Variants in ELF2 observed in about 807,000 individuals in gnomAD.
ELF2 encodes E74 like ETS transcription factor 2.
A neutral mutation model predicts 54.8 loss-of-function variants in ELF2; 11 were observed. The ratio of observed to expected loss-of-function variants is 0.20; its 90% CI spans 0.13 to 0.33. ELF2 has a LOEUF of 0.33. Among genes scored for constraint, ELF2 ranks in the 10% least tolerant of loss-of-function variants. The pLI is 1.00. For missense variants in ELF2, 513 were observed against 703.0 expected (o/e 0.73, Z 3.06); for synonymous variants, 203 against 245.1 (o/e 0.83, Z 1.61).
chr4:139,084,867 T>A (rs932778373), intron 4 of ELF2, among the ~76,000 whole-genome samples: 1 of 152,220 alleles, frequency 6.6e-6, no homozygotes, highest in Admixed American at 6.5e-5. Context: ...CTAGAACATA[T>A]TCTGAAAGCA....
At chr4:139,115,530 G>A (rs1735616362) in intron 4 of ELF2, among the ~76,000 whole-genome samples, 1 of 151,410 alleles carries the variant, frequency 6.6e-6, no homozygotes, top group Non-Finnish European at 1.5e-5. Context: ...GCCTGGCCTG[G>A]CCGCGCCCCC....
At chr4:139,120,360 T>A (rs1736190284) in intron 4 of ELF2, among the ~76,000 whole-genome samples, 1 of 152,228 alleles carries the variant, frequency 6.6e-6, no homozygotes, top group Non-Finnish European at 1.5e-5. Context: ...ATCCTTCAAC[T>A]CATACTACAA....
At chr4:139,087,811 T>C (rs1264479914) in intron 4 of ELF2, among the ~76,000 whole-genome samples, 1 of 152,118 alleles carries the variant, frequency 6.6e-6, no homozygotes. Flanking sequence ...CAAATGTACA[T>C]GAGTTAGAAT....
intron 4 of ELF2, chr4:139,084,116 A>G (rs551232680): frequency 1.2e-6 from 2 of 1,613,116 alleles, no homozygotes; most frequent in South Asian, 1.1e-5. Flanking sequence ...ACGGGAGAAA[A>G]GTTCCCCTGT....
intron 4 of ELF2, among the ~76,000 whole-genome samples, chr4:139,113,887 C>T (rs1014626570): frequency 6.6e-6 from 1 of 151,636 alleles, no homozygotes; most frequent in Non-Finnish European, 1.5e-5. Context: ...TAAATAAAAT[C>T]ATTCCTTTTC....
intron 4 of ELF2, chr4:139,115,479 C>T (rs1378718431): frequency 1.3e-5 from 11 of 828,016 alleles, no homozygotes; most frequent in Non-Finnish European, 1.5e-5. Flanking sequence ...AGGGCAGCGG[C>T]GGGGGTGCCC....
chr4:139,115,155 C>G (rs1735514552), intron 4 of ELF2: 1 of 1,613,240 alleles, frequency 6.2e-7, no homozygotes, highest in Non-Finnish European at 8.5e-7. Flanking sequence ...CCAGGATCCA[C>G]TCCTCTAGGT....
rs111587176 is a variant in ELF2 at position 139,123,016 on chromosome 4, C to G, written c.238+2148G>C. ...TGGCCAACATGGTGAAACCCTGTCTCTACTAAAAAATACAAAAATTAGCTG... is the reference window on the plus strand; with the variant it reads ...TGGCCAACATGGTGAAACCCTGTCTGTACTAAAAAATACAAAAATTAGCTG... On this transcript the variant is annotated intron_variant, in intron 4 of 9. Coordinates refer to ENST00000686138, the MANE Select transcript of ELF2 (RefSeq NM_001331036.3). Among the ~76,000 whole-genome samples the G allele has an allele frequency of 7.6e-3, 1,151 of 151,780 alleles. 21 individuals carry two copies. The highest frequency in any genetic ancestry group is 0.026 in the African/African-American group (1,088 of 41,426).
chr4:139,105,115 A>T (rs998256891), intron 4 of ELF2, among the ~76,000 whole-genome samples: 2 of 152,242 alleles, frequency 1.3e-5, no homozygotes, highest in African/African-American at 4.8e-5. Flanking sequence ...TAACTGTCAT[A>T]TGGAAAGGGA....
chr4:139,099,656 C>T (rs1733668169), intron 4 of ELF2, among the ~76,000 whole-genome samples: 2 of 152,180 alleles, frequency 1.3e-5, no homozygotes, highest in Admixed American at 1.3e-4. Context: ...ACACACACCT[C>T]TTCCTCCTAT....
At chr4:139,168,897 A>C (rs2148913328) in intron 1 of ELF2, among the ~76,000 whole-genome samples, 1 of 152,260 alleles carries the variant, frequency 6.6e-6, no homozygotes, top group African/African-American at 2.4e-5. Flanking sequence ...AAAAGGGGGA[A>C]AAGTGAAAGT....
At chr4:139,068,266 G>A (rs557570305) in intron 6 of ELF2, among the ~76,000 whole-genome samples, 5 of 152,214 alleles carry the variant, frequency 3.3e-5, no homozygotes, top group East Asian at 3.9e-4. Flanking sequence ...TGATCCGTCC[G>A]CCTCGGCCTC....
chr4:139,093,935 A>G (rs1247113123), intron 4 of ELF2, among the ~76,000 whole-genome samples: 1 of 123,894 alleles, frequency 8.1e-6, no homozygotes, highest in Admixed American at 1.0e-4. Context: ...AGTTTAACTC[A>G]TTGCCCAGGC....
intron 1 of ELF2, among the ~76,000 whole-genome samples, chr4:139,176,517 C>A (rs550410513): frequency 2.0e-5 from 3 of 152,090 alleles, no homozygotes; most frequent in Admixed American, 6.5e-5. Context: ...TCCCAGGACG[C>A]GCTTCCTCCG....
At chr4:139,130,504 C>T (rs968924546) in intron 3 of ELF2, among the ~76,000 whole-genome samples, 1 of 152,338 alleles carries the variant, frequency 6.6e-6, no homozygotes, top group Non-Finnish European at 1.5e-5. Context: ...AAATCCTTTT[C>T]ATCTACTGAA....
At chr4:139,137,177 A>C (rs1738265998) in intron 3 of ELF2, 1 of 154,850 alleles carries the variant, frequency 6.5e-6, no homozygotes, top group Non-Finnish European at 1.4e-5. Context: ...ATTCGTGTTT[A>C]AATGAGATTA....
intron 3 of ELF2, among the ~76,000 whole-genome samples, chr4:139,130,887 C>A (rs1396029477): frequency 6.6e-6 from 1 of 152,062 alleles, no homozygotes; most frequent in Non-Finnish European, 1.5e-5. Flanking sequence ...AGCCTTTTTT[C>A]TGCCATATGA....
chr4:139,106,568 GT>G (rs886784115), intron 4 of ELF2, among the ~76,000 whole-genome samples: 17 of 147,990 alleles, frequency 1.1e-4, no homozygotes, highest in Admixed American at 2.7e-4. Flanking sequence ...TCATATTACG[GT>G]TTTTTTTTTC....
chr4:139,111,336 C>T (rs1283519329), intron 4 of ELF2, among the ~76,000 whole-genome samples: 1 of 151,334 alleles, frequency 6.6e-6, no homozygotes, highest in East Asian at 2.0e-4. Flanking sequence ...CTGTCTAGTC[C>T]AAATGATCAA....
Sources: gnomAD v4.1 joint callset for allele counts (sites outside exome capture counted in the v4.1 genomes callset) on GRCh38, gnomAD v4.1.1 for gene constraint, MANE v1.5 for transcripts, NCBI Gene and HGNC (gene_info 2026-07-23, HGNC 2026-07-21) for gene names.